Variants in JAM3 observed in about 807,000 individuals in gnomAD.
JAM3 encodes junctional adhesion molecule C.
In JAM3, 31 loss-of-function variants were observed where a neutral mutation model predicts 39.4. That is an observed-to-expected ratio of 0.79 (90% confidence interval 0.59 to 1.06). JAM3 has a LOEUF of 1.06. JAM3 is among the 50% of genes least tolerant of loss of function. JAM3 has a pLI of 0.00. For missense variants in JAM3, 455 were observed against 391.4 expected, an observed-to-expected ratio of 1.16 and a Z score of -1.37; for synonymous variants, 182 against 148.7, an observed-to-expected ratio of 1.22 and a Z score of -1.63.
chr11:134,141,678 G>A (rs1304883157), intron 3 of JAM3, among the ~76,000 whole-genome samples: 1 of 152,122 alleles, frequency 6.6e-6, no homozygotes, highest in East Asian at 1.9e-4. Context: ...GTCCGGGAGA[G>A]GGCTGGTGGG....
At chr11:134,124,298 G>A (rs1222780933) in intron 1 of JAM3, 6 of 856,822 alleles carry the variant, frequency 7.0e-6, no homozygotes, top group East Asian at 2.4e-5. Flanking sequence ...TGTTCTCACA[G>A]GAAATCTCCA....
chr11:134,109,935 T>G (rs1472659145), intron 1 of JAM3, among the ~76,000 whole-genome samples: 1 of 152,228 alleles, frequency 6.6e-6, no homozygotes, highest in Non-Finnish European at 1.5e-5. Context: ...CTTAGTTTTT[T>G]CCTTTTGGCA....
intron 1 of JAM3, among the ~76,000 whole-genome samples, chr11:134,118,784 C>T (rs914894870): frequency 6.6e-6 from 1 of 152,116 alleles, no homozygotes; most frequent in Non-Finnish European, 1.5e-5. Flanking sequence ...TAATTTCCTC[C>T]CCATGATAAT....
chr11:134,095,111 A>G (rs1941953565), intron 1 of JAM3, among the ~76,000 whole-genome samples: 1 of 152,220 alleles, frequency 6.6e-6, no homozygotes, highest in Admixed American at 6.5e-5. Flanking sequence ...GAAAACTGTC[A>G]GCATTAGGTC....
chr11:134,127,717 G>C (rs1033186749), intron 1 of JAM3, among the ~76,000 whole-genome samples: 2 of 152,128 alleles, frequency 1.3e-5, no homozygotes, highest in Non-Finnish European at 2.9e-5. Context: ...AATAAAACTT[G>C]ATGCCTTTGA....
At chr11:134,097,116 C>T (rs1473070933) in intron 1 of JAM3, among the ~76,000 whole-genome samples, 1 of 152,052 alleles carries the variant, frequency 6.6e-6, no homozygotes, top group African/African-American at 2.4e-5. Flanking sequence ...CCCTCCACAC[C>T]CCATCCCCCG....
At chr11:134,101,917 A>C (rs1942082063) in intron 1 of JAM3, among the ~76,000 whole-genome samples, 1 of 152,148 alleles carries the variant, frequency 6.6e-6, no homozygotes, top group Non-Finnish European at 1.5e-5. Flanking sequence ...AAATTTAAAA[A>C]TTAGGTGTGG....
rs562576329 is a variant in JAM3 at position 134,124,916 on chromosome 11, C to T, written c.77-14935C>T. ...ACGAAAAACGCTGGCGAGCGGGGACCGGGCATTGAAGTCCGGCGGTGGCAG... is the reference window on the plus strand; with the variant it reads ...ACGAAAAACGCTGGCGAGCGGGGACTGGGCATTGAAGTCCGGCGGTGGCAG... On this transcript the variant is annotated intron_variant, in intron 1 of 8. Transcript: ENST00000299106. 2.6e-4 allele frequency among the ~76,000 whole-genome samples: 39 copies of T among 152,350 alleles called. 1 individual carries two copies. The highest frequency in any genetic ancestry group is 9.6e-4 in the East Asian group (5 of 5,192).
At chr11:134,092,786 A>G (rs369088282) in intron 1 of JAM3, among the ~76,000 whole-genome samples, 3 of 122,454 alleles carry the variant, frequency 2.4e-5, no homozygotes, top group Non-Finnish European at 1.7e-5. Context: ...CATCTTATTC[A>G]TCATGTTCCA....
rs71038558 is a variant in JAM3, at chr11:134,077,650, CTTT to C, written c.76+8512_76+8514del. Among the ~76,000 whole-genome samples the C allele has an allele frequency of 5.6e-4, 57 of 102,040 alleles. No homozygotes were observed. In the East Asian group the frequency reaches 0.011, roughly 21 times the overall value. The allele number at this position is 102,040 out of a possible 152,430, so 66.9% of individuals were successfully genotyped here. A position where few individuals can be genotyped will look rare whatever the true frequency, so the allele number is the denominator to read the frequency against. ...AAGTGCAAGCCACCGTGGCTGGCGCCTTTTTTTTTTTTTTTTTTTTTTTGAAAC... is the reference window on the plus strand; with the variant it reads ...AAGTGCAAGCCACCGTGGCTGGCGCCTTTTTTTTTTTTTTTTTTTTGAAAC... On this transcript the variant is annotated intron_variant, in intron 1 of 8. Transcript: ENST00000299106.
chr11:134,134,398 CAAAAAAA>C (rs34729848), intron 1 of JAM3, among the ~76,000 whole-genome samples: 31 of 31,924 alleles, frequency 9.7e-4, no homozygotes, highest in Admixed American at 1.4e-3. Flanking sequence ...GGATAAATGC[CAAAAAAA>C]AAAAAAAAAA....
intron 1 of JAM3, among the ~76,000 whole-genome samples, chr11:134,082,682 C>T (rs1351302303): frequency 6.6e-6 from 1 of 152,144 alleles, no homozygotes; most frequent in African/African-American, 2.4e-5. Context: ...CTATGATAAA[C>T]CTATTTCTTT....
intron 1 of JAM3, among the ~76,000 whole-genome samples, chr11:134,099,756 G>A (rs888295476): frequency 9.9e-5 from 15 of 152,212 alleles, no homozygotes; most frequent in Middle Eastern, 3.4e-3. Context: ...ACAGGTGTGC[G>A]CCACCACGCC....
At chr11:134,104,316 A>C (rs1942139243) in intron 1 of JAM3, among the ~76,000 whole-genome samples, 1 of 152,212 alleles carries the variant, frequency 6.6e-6, no homozygotes, top group Admixed American at 6.5e-5. Context: ...CAATGAGAAC[A>C]AAGACACAAC....
intron 1 of JAM3, among the ~76,000 whole-genome samples, chr11:134,079,992 C>G (rs1591769364): frequency 6.8e-6 from 1 of 148,020 alleles, no homozygotes; most frequent in South Asian, 2.1e-4. Flanking sequence ...TTGTTTTGTT[C>G]TTTTTTTTGT....
At chr11:134,122,689 C>G (rs1408763634) in intron 1 of JAM3, among the ~76,000 whole-genome samples, 1 of 152,198 alleles carries the variant, frequency 6.6e-6, no homozygotes, top group Non-Finnish European at 1.5e-5. Flanking sequence ...TTAAACTGAA[C>G]TTTACATATA....
intron 1 of JAM3, among the ~76,000 whole-genome samples, chr11:134,080,111 T>C (rs934472767): frequency 1.3e-5 from 2 of 152,250 alleles, no homozygotes; most frequent in African/African-American, 4.8e-5. Flanking sequence ...TTATTTTTAA[T>C]TCAATCTGAT....
chr11:134,127,877 C>T (rs569374359), intron 1 of JAM3, among the ~76,000 whole-genome samples: 2 of 152,184 alleles, frequency 1.3e-5, no homozygotes, highest in East Asian at 3.9e-4. Flanking sequence ...ATTCAGGGGA[C>T]CTCTCCATCA....
At chr11:134,127,339 A>G (rs1451309576) in intron 1 of JAM3, among the ~76,000 whole-genome samples, 3 of 152,230 alleles carry the variant, frequency 2.0e-5, no homozygotes, top group Non-Finnish European at 4.4e-5. Flanking sequence ...TTCTGGAACT[A>G]TGATGTCTGA....
Sources: gnomAD v4.1 joint callset for allele counts (sites outside exome capture counted in the v4.1 genomes callset) on GRCh38, gnomAD v4.1.1 for gene constraint, MANE v1.5 for transcripts, NCBI Gene and HGNC (gene_info 2026-07-23, HGNC 2026-07-21) for gene names.